HIVEP3: variants seen among roughly 807,000 people sequenced by gnomAD.
The protein encoded by HIVEP3 is transcription factor HIVEP3.
HIVEP3 carries 49 observed loss-of-function variants against 152.8 expected under a neutral mutation model. The observed-to-expected ratio is 0.32, with a 90% CI of 0.26 to 0.41. The LOEUF (loss-of-function observed/expected upper bound fraction) is 0.41, where lower values mean the gene tolerates loss of function less well. Among genes scored for constraint, HIVEP3 ranks in the 10% least tolerant of loss-of-function variants. The probability of loss-of-function intolerance (pLI) is 1.00; values close to 1 mark genes in which losing one functional copy is unlikely to be tolerated. For missense variants in HIVEP3, 2,790 were observed against 3,103.3 expected (o/e 0.90, Z 2.40); for synonymous variants, 1,269 against 1,289.0 (o/e 0.98, Z 0.33).
chr1:41,587,716 G>C (rs1220205219), intron 3 of HIVEP3, among the ~76,000 whole-genome samples: 1 of 152,156 alleles, frequency 6.6e-6, no homozygotes, highest in African/African-American at 2.4e-5. Context: ...GAGACTGAAG[G>C]CTAGAAAGGT....
Position 41,699,943 on chromosome 1 carries a change from C to T in HIVEP3, c.-721+973G>A, listed in dbSNP as rs551384935. Among the ~76,000 whole-genome samples the T allele has an allele frequency of 1.3e-4, 19 of 151,864 alleles. No homozygotes were observed. The South Asian group carries it at 3.3e-3, about 27-fold the overall frequency. ...CCGCTCTCTTGGCCTCACTCCCATA[C>T]TCCTCCTCTTGGGCCCTGCATCCCA... On this transcript the variant is annotated intron_variant, in intron 2 of 8. Transcript: ENST00000372583.
intron 1 of HIVEP3, among the ~76,000 whole-genome samples, chr1:41,780,160 C>T (rs947744396): frequency 1.9e-4 from 29 of 152,112 alleles, no homozygotes; most frequent in East Asian, 1.7e-3. Flanking sequence ...GGGGAGCAGA[C>T]GCTCAGGGTC....
intron 1 of HIVEP3, among the ~76,000 whole-genome samples, chr1:41,908,900 T>C (rs537992347): frequency 8.5e-5 from 13 of 152,196 alleles, no homozygotes; most frequent in African/African-American, 3.1e-4. Context: ...TCCCATAACA[T>C]AAAGGATACT....
chr1:41,628,706 T>A, intron 3 of HIVEP3, 43 bp downstream of exon 3: 1 of 1,209,088 alleles, frequency 8.3e-7, no homozygotes, highest in East Asian at 3.2e-5. Flanking sequence ...CAGACCAACA[T>A]GGCGCCTGGC....
chr1:41,642,013 G>A (rs1645381087), intron 2 of HIVEP3, among the ~76,000 whole-genome samples: 2 of 152,184 alleles, frequency 1.3e-5, no homozygotes, highest in South Asian at 2.1e-4. Flanking sequence ...ACTCAATCAG[G>A]TAGTGCACAT....
At chr1:41,962,772 C>A (rs986568187) in intron 1 of HIVEP3, among the ~76,000 whole-genome samples, 1 of 152,326 alleles carries the variant, frequency 6.6e-6, no homozygotes, top group Non-Finnish European at 1.5e-5. Flanking sequence ...TAGAGCCCCA[C>A]CGAACTCAAG....
At chr1:41,818,403 T>C (rs1642474372) in intron 1 of HIVEP3, among the ~76,000 whole-genome samples, 1 of 152,202 alleles carries the variant, frequency 6.6e-6, no homozygotes, top group African/African-American at 2.4e-5. Flanking sequence ...CTGCAGTATA[T>C]AGTATTTCTT....
chr1:41,970,981 A>G (rs1019649189), intron 1 of HIVEP3, among the ~76,000 whole-genome samples: 1 of 152,180 alleles, frequency 6.6e-6, no homozygotes, highest in African/African-American at 2.4e-5. Flanking sequence ...TGAGACAATA[A>G]GTTTCTGTTG....
chr1:41,535,112 C>G (rs1304938549), intron 5 of HIVEP3, among the ~76,000 whole-genome samples: 1 of 152,200 alleles, frequency 6.6e-6, no homozygotes, highest in African/African-American at 2.4e-5. Context: ...ATGGCCAAGA[C>G]CACCCAGCCA....
At chr1:41,949,946 C>A (rs1645096721) in intron 1 of HIVEP3, among the ~76,000 whole-genome samples, 1 of 152,104 alleles carries the variant, frequency 6.6e-6, no homozygotes, top group South Asian at 2.1e-4. Flanking sequence ...GAGCGGTCAT[C>A]GGCCAACCTC....
intron 1 of HIVEP3, among the ~76,000 whole-genome samples, chr1:41,832,132 G>A (rs1226839753): frequency 6.6e-6 from 1 of 152,150 alleles, no homozygotes; most frequent in Non-Finnish European, 1.5e-5. Context: ...CTAGCCTATG[G>A]CTCAGGCTTT....
At chr1:41,801,703 C>T (rs563577559) in intron 1 of HIVEP3, among the ~76,000 whole-genome samples, 461 of 151,916 alleles carry the variant, frequency 3.0e-3, no homozygotes, top group African/African-American at 0.011. Context: ...GAGATCTCGC[C>T]ACTGCACTCC....
At chr1:41,916,241 T>G (rs144362222) in intron 1 of HIVEP3, among the ~76,000 whole-genome samples, 1 of 152,060 alleles carries the variant, frequency 6.6e-6, no homozygotes, top group South Asian at 2.1e-4. Flanking sequence ...CTAAACACAA[T>G]GGGCGGAGAC....
chr1:41,609,279 C>T lies in HIVEP3; in HGVS notation c.-522+19470G>A, dbSNP rs564411622. On this transcript the variant is annotated intron_variant, in intron 3 of 8. Transcript: ENST00000372583. ...ATGGTGTCTGCCCTTAGGGGGAACA[C>T]TTCTGATGTTCCTGAACCTGGGCCC... 1.2e-4 allele frequency among the ~76,000 whole-genome samples: 19 copies of T among 152,362 alleles called. No homozygotes were observed. The East Asian group carries it at 3.3e-3, about 26-fold the overall frequency.
At chr1:42,035,651 T>C (rs111279921) in intron 1 of HIVEP3, among the ~76,000 whole-genome samples, 26,198 of 150,450 alleles carry the variant, frequency 0.17, 2,366 homozygotes, top group Admixed American at 0.27. Flanking sequence ...CCCGGAGGCG[T>C]TGGGGGGATG....
chr1:41,525,028 G>T (rs1203074886), intron 5 of HIVEP3, 118 bp from the exon 6 acceptor site: 1 of 977,828 alleles, frequency 1.0e-6, no homozygotes, highest in Non-Finnish European at 1.5e-6. Context: ...AAGGAATGGA[G>T]GCCACGGAAC....
At chr1:41,614,842 G>T (rs936442207) in intron 3 of HIVEP3, among the ~76,000 whole-genome samples, 1 of 152,206 alleles carries the variant, frequency 6.6e-6, no homozygotes, top group Non-Finnish European at 1.5e-5. Flanking sequence ...ACGCTGGCCA[G>T]TTCCTCAGAA....
chr1:42,028,130 A>G (rs1055398786), intron 1 of HIVEP3, among the ~76,000 whole-genome samples: 1 of 152,118 alleles, frequency 6.6e-6, no homozygotes, highest in Non-Finnish European at 1.5e-5. Flanking sequence ...CTGTCTCCTG[A>G]CCAAGTTTTA....
intron 1 of HIVEP3, among the ~76,000 whole-genome samples, chr1:41,864,943 C>G (rs112520612): frequency 4.5e-4 from 69 of 152,246 alleles, no homozygotes; most frequent in African/African-American, 1.3e-3. Flanking sequence ...ATCTGGTTTC[C>G]CAGGGAGGTC....
Sources: gnomAD v4.1 joint callset for allele counts (sites outside exome capture counted in the v4.1 genomes callset) on GRCh38, gnomAD v4.1.1 for gene constraint, MANE v1.5 for transcripts, NCBI Gene and HGNC (gene_info 2026-07-23, HGNC 2026-07-21) for gene names.